Variants in GXYLT1 observed in about 807,000 individuals in gnomAD.
GXYLT1 encodes the protein glycosyltransferase 8 domain containing 3.
In GXYLT1, 29 loss-of-function variants were observed where a neutral mutation model predicts 54.0. The observed-to-expected ratio is 0.54, with a 90% CI of 0.40 to 0.73. GXYLT1 has a LOEUF of 0.73. GXYLT1 is among the 30% of genes least tolerant of loss of function. GXYLT1 has a pLI of 0.00. For synonymous variants in GXYLT1, 176 were observed against 204.1 expected (o/e 0.86, Z 1.17); for missense variants, 490 against 553.4 (o/e 0.89, Z 1.15).
intron 7 of GXYLT1, among the ~76,000 whole-genome samples, chr12:42,092,374 C>G (rs1388376940): frequency 6.6e-6 from 1 of 152,120 alleles, no homozygotes; most frequent in African/African-American, 2.4e-5. Context: ...ATACTTCTTC[C>G]TTAGTAGCAG....
At chr12:42,089,382 AT>A (rs1409975655) in intron 7 of GXYLT1, among the ~76,000 whole-genome samples, 1 of 151,046 alleles carries the variant, frequency 6.6e-6, no homozygotes, top group African/African-American at 2.4e-5. Context: ...GACATACCTA[AT>A]GTAAATGACG....
At chr12:42,131,247 A>G (rs1376744387) in intron 1 of GXYLT1, among the ~76,000 whole-genome samples, 1 of 152,204 alleles carries the variant, frequency 6.6e-6, no homozygotes, top group East Asian at 1.9e-4. Flanking sequence ...GAGTCACTAA[A>G]CCAGGTCACT....
intron 1 of GXYLT1, 68 bp from the exon 2 acceptor site, chr12:42,129,919 C>T (rs2065585005): frequency 4.5e-6 from 4 of 887,408 alleles, no homozygotes; most frequent in Non-Finnish European, 7.4e-6. Flanking sequence ...AAGGAATTTA[C>T]TCAGTAACAC....
intron 1 of GXYLT1, among the ~76,000 whole-genome samples, chr12:42,132,252 A>G (rs531174294): frequency 6.6e-6 from 1 of 152,300 alleles, no homozygotes; most frequent in South Asian, 2.1e-4. Context: ...TGGCCTAAAA[A>G]GCTGAATTTT....
rs1208835028 is a variant in GXYLT1 at position 42,129,849 on chromosome 12, C to T, written c.224G>A (p.Cys75Tyr). The part of the protein sequence containing the change: ...PAAHPGVSDR[C>Y]KDFSLCYWNP... Reference sequence around the variant, plus strand: ...CCAGTAACACAGAGAGAAATCTTTACACCTAACAGAGTAAGACAGAAATAA... The same window carrying T: ...CCAGTAACACAGAGAGAAATCTTTATACCTAACAGAGTAAGACAGAAATAA... Residue 75 changes from cysteine to tyrosine, a missense_variant and splice_region_variant, in exon 2 of 8, where the codon TGT (cysteine) becomes TAT (tyrosine). Transcript: ENST00000398675. The T allele has an allele frequency of 6.2e-7, 1 of 1,603,544 alleles. No individual in the cohort carries two copies. The highest frequency in any genetic ancestry group is 8.5e-7 in the Non-Finnish European group (1 of 1,170,656).
intron 3 of GXYLT1, among the ~76,000 whole-genome samples, chr12:42,113,989 T>A (rs1414479519): frequency 2.0e-5 from 3 of 151,970 alleles, no homozygotes; most frequent in African/African-American, 7.3e-5. Flanking sequence ...TCAAAACCAC[T>A]CAACTACATG....
intron 5 of GXYLT1, among the ~76,000 whole-genome samples, chr12:42,104,765 T>C (rs1349519813): frequency 1.3e-5 from 2 of 152,144 alleles, no homozygotes; most frequent in Non-Finnish European, 2.9e-5. Flanking sequence ...CCAGATACCA[T>C]GTGAAAAACG....
At chr12:42,125,885 G>T (rs779301249) in intron 2 of GXYLT1, among the ~76,000 whole-genome samples, 2 of 151,796 alleles carry the variant, frequency 1.3e-5, no homozygotes, top group Admixed American at 6.6e-5. Flanking sequence ...AAATTATTTG[G>T]CTATGGTGGC....
At chr12:42,111,599 C>G (rs949823217) in intron 3 of GXYLT1, among the ~76,000 whole-genome samples, 6 of 152,220 alleles carry the variant, frequency 3.9e-5, no homozygotes, top group Admixed American at 3.9e-4. Flanking sequence ...CCTGCCATTG[C>G]CAAGTTAGTT....
intron 3 of GXYLT1, among the ~76,000 whole-genome samples, chr12:42,112,074 GCTGAGGGTCCTGT>G (rs1488554225): frequency 2.7e-5 from 4 of 150,528 alleles, no homozygotes; most frequent in Non-Finnish European, 1.5e-5. Flanking sequence ...CAGACCTGCA[GCTGAGGGTCCTGT>G]CTGGTAGAAG....
chr12:42,096,948 A>T (rs569890221), intron 7 of GXYLT1, among the ~76,000 whole-genome samples: 1 of 152,242 alleles, frequency 6.6e-6, no homozygotes, highest in African/African-American at 2.4e-5. Flanking sequence ...GTAAGGAAAC[A>T]TTAGACAGGC....
At chr12:42,109,126 A>T (rs994386180) in intron 4 of GXYLT1, among the ~76,000 whole-genome samples, 8 of 152,202 alleles carry the variant, frequency 5.3e-5, no homozygotes, top group Non-Finnish European at 1.2e-4. Context: ...CAGTTACAAT[A>T]GATAAATTGG....
rs183854872 is a variant in GXYLT1, at chr12:42,109,964, C to T, written c.487-273G>A. ...CCCAAAATCAGAAAGGTGAAAGACC[C>T]TCGCAAGTTTGTCTTCCTCAACTTT... On this transcript the variant is annotated intron_variant, in intron 3 of 7. Coordinates refer to ENST00000398675, the MANE Select transcript of GXYLT1 (RefSeq NM_173601.2). Among the ~76,000 whole-genome samples, 4 of 152,234 alleles carry T rather than the reference C, an allele frequency of 2.6e-5. No homozygotes were observed. The East Asian group carries it at 7.7e-4, about 29-fold the overall frequency.
chr12:42,138,631 TA>T (rs1257041354), intron 1 of GXYLT1, among the ~76,000 whole-genome samples: 4 of 152,196 alleles, frequency 2.6e-5, no homozygotes, highest in Non-Finnish European at 5.9e-5. Context: ...ACAAAAATCA[TA>T]AACCTCATAC....
At chr12:42,097,003 A>G (rs965727586) in intron 7 of GXYLT1, among the ~76,000 whole-genome samples, 1 of 152,156 alleles carries the variant, frequency 6.6e-6, no homozygotes, top group Non-Finnish European at 1.5e-5. Flanking sequence ...AAGAGGCTCT[A>G]TTGTCCAAAT....
chr12:42,126,839 C>T (rs897949632), intron 2 of GXYLT1, among the ~76,000 whole-genome samples: 2 of 148,724 alleles, frequency 1.3e-5, no homozygotes, highest in African/African-American at 5.0e-5. Context: ...AAGATCATGC[C>T]ACTGCACTCC....
chr12:42,105,057 C>A (rs1447240690), intron 5 of GXYLT1, among the ~76,000 whole-genome samples: 2 of 152,176 alleles, frequency 1.3e-5, no homozygotes, highest in African/African-American at 2.4e-5. Flanking sequence ...TAAAAGTTAA[C>A]TAAGTGGCTA....
At chr12:42,129,115 T>G (rs1329304539) in intron 2 of GXYLT1, among the ~76,000 whole-genome samples, 2 of 152,176 alleles carry the variant, frequency 1.3e-5, no homozygotes, top group African/African-American at 4.8e-5. Context: ...GTCACTGCCT[T>G]ATCGTATTCT....
chr12:42,097,580 A>G lies in GXYLT1; in HGVS notation c.1023T>C (p.Tyr341=), dbSNP rs1429598844. ...TTCCATATATACAATGATCTGGTCG[A>G]TAATTCCATTGACACGGAAAAACAA... ...SLFVFPCQWN[Y]RPDHCIYGSN... The change falls in exon 7 of 8, where the codon TAT becomes TAC. Residue 341 remains tyrosine, a synonymous_variant. Transcript: ENST00000398675. 3 of 1,607,656 alleles carry G rather than the reference A, an allele frequency of 1.9e-6. No homozygotes were observed. Among genetic ancestry groups the G allele is most frequent in the Non-Finnish European group, 2.5e-6 (3 of 1,178,466 alleles).
Sources: allele counts gnomAD v4.1 joint callset (sites outside exome capture counted in the v4.1 genomes callset), GRCh38; gene constraint gnomAD v4.1.1; transcripts MANE v1.5; gene names NCBI Gene and HGNC (gene_info 2026-07-23, HGNC 2026-07-21).